Variants in NAALADL2 observed in about 807,000 individuals in gnomAD.
The protein encoded by NAALADL2 is inactive N-acetylated-alpha-linked acidic dipeptidase-like protein 2.
A neutral mutation model predicts 87.2 loss-of-function variants in NAALADL2; 76 were observed. The ratio of observed to expected loss-of-function variants is 0.87; its 90% CI spans 0.72 to 1.05. The LOEUF is 1.05. NAALADL2 is among the 50% of genes least tolerant of loss of function. The probability of loss-of-function intolerance (pLI) is 0.00; values close to 1 mark genes in which losing one functional copy is unlikely to be tolerated. For synonymous variants in NAALADL2, 354 were observed against 331.0 expected (o/e 1.07, Z -0.75); for missense variants, 1,089 against 945.8 (o/e 1.15, Z -1.99).
intron 4 of NAALADL2, among the ~76,000 whole-genome samples, chr3:175,303,301 C>T (rs1390485899): frequency 6.6e-6 from 1 of 152,012 alleles, no homozygotes; most frequent in Non-Finnish European, 1.5e-5. Flanking sequence ...AGGATATAGA[C>T]AGATATTCAA....
intron 2 of NAALADL2, among the ~76,000 whole-genome samples, chr3:175,118,350 C>A (rs939657548): frequency 1.3e-5 from 2 of 151,436 alleles, no homozygotes; most frequent in Non-Finnish European, 3.0e-5. Context: ...AACTGAGTTG[C>A]CTGATTGTTG....
intron 1 of NAALADL2, among the ~76,000 whole-genome samples, chr3:174,908,087 AC>A (rs1310189621): frequency 7.8e-5 from 7 of 90,060 alleles, no homozygotes; most frequent in African/African-American, 3.1e-4. Flanking sequence ...ACTTGATTTT[AC>A]AAGTGCTGAC....
intron 1 of NAALADL2, among the ~76,000 whole-genome samples, chr3:174,532,751 C>T (rs1578104748): frequency 6.6e-6 from 1 of 152,046 alleles, no homozygotes. Flanking sequence ...TTAGCTTCAG[C>T]CTTTCTACTC....
chr3:175,663,290 C>A (rs1292215060), intron 11 of NAALADL2, among the ~76,000 whole-genome samples: 1 of 151,466 alleles, frequency 6.6e-6, no homozygotes, highest in Non-Finnish European at 1.5e-5. Flanking sequence ...TTTTATGTGT[C>A]CAGGAATTTA....
intron 1 of NAALADL2, among the ~76,000 whole-genome samples, chr3:174,962,690 T>G (rs896485097): frequency 7.9e-5 from 12 of 151,938 alleles, no homozygotes; most frequent in Non-Finnish European, 1.8e-4. Context: ...CTGAAACTTG[T>G]TATCTCGATT....
At chr3:175,052,924 C>T (rs370090622) in intron 1 of NAALADL2, among the ~76,000 whole-genome samples, 3 of 152,168 alleles carry the variant, frequency 2.0e-5, no homozygotes, top group African/African-American at 7.2e-5. Flanking sequence ...ACCAGCTTAA[C>T]ATAGTGTGGC....
At chr3:174,710,173 G>A (rs1251371317) in intron 2 of NAALADL2, among the ~76,000 whole-genome samples, 1 of 150,382 alleles carries the variant, frequency 6.6e-6, no homozygotes, top group African/African-American at 2.4e-5. Flanking sequence ...TCTCAAATCA[G>A]TTGACCTTAA....
intron 10 of NAALADL2, among the ~76,000 whole-genome samples, chr3:175,600,624 G>A (rs1018940399): frequency 3.1e-5 from 4 of 128,610 alleles, no homozygotes; most frequent in South Asian, 5.3e-4. Flanking sequence ...TGCAAGCTCC[G>A]CCTCCCAGGT....
At chr3:174,667,859 A>T (rs1472904859) in intron 2 of NAALADL2, among the ~76,000 whole-genome samples, 1 of 152,100 alleles carries the variant, frequency 6.6e-6, no homozygotes, top group Non-Finnish European at 1.5e-5. Flanking sequence ...TTTCTTTTTT[A>T]AAAAATAGTA....
intron 5 of NAALADL2, among the ~76,000 whole-genome samples, chr3:175,438,348 G>A (rs1287964966): frequency 1.1e-4 from 17 of 152,108 alleles, no homozygotes; most frequent in Admixed American, 9.8e-4. Flanking sequence ...CCAATTTAGT[G>A]TACTGGTCAT....
chr3:175,296,406 T>C lies in NAALADL2; in HGVS notation c.940-27769T>C, dbSNP rs149732544. On this transcript the variant is annotated intron_variant, in intron 4 of 13. Transcript: ENST00000454872. Reference sequence around the variant, plus strand: ...GCTCAGAAGTAACTGGGTTTCACCATAGACTTGCCACGCTGGATCTCAAAT... The same window carrying C: ...GCTCAGAAGTAACTGGGTTTCACCACAGACTTGCCACGCTGGATCTCAAAT... 6.1e-3 allele frequency among the ~76,000 whole-genome samples: 922 copies of C among 152,288 alleles called. 10 individuals are homozygous for C. Among genetic ancestry groups the C allele is most frequent in the African/African-American group, 0.021 (863 of 41,564 alleles).
chr3:174,705,827 T>C (rs1039131261), intron 2 of NAALADL2, among the ~76,000 whole-genome samples: 1 of 151,586 alleles, frequency 6.6e-6, no homozygotes, highest in African/African-American at 2.4e-5. Flanking sequence ...TCTTAAATTA[T>C]CAGTGTTGGA....
At chr3:175,664,721 T>C (rs1036820283) in intron 11 of NAALADL2, among the ~76,000 whole-genome samples, 1 of 152,206 alleles carries the variant, frequency 6.6e-6, no homozygotes, top group Admixed American at 6.5e-5. Context: ...TTTTCACCTG[T>C]TCCTTCTCAG....
intron 4 of NAALADL2, among the ~76,000 whole-genome samples, chr3:175,307,359 C>A (rs115344068): frequency 2.4e-4 from 37 of 151,842 alleles, no homozygotes; most frequent in Non-Finnish European, 4.7e-4. Context: ...TATTTCTATA[C>A]CTGTTTAAAT....
chr3:175,585,470 C>T (rs1582507968), intron 10 of NAALADL2, among the ~76,000 whole-genome samples: 2 of 152,108 alleles, frequency 1.3e-5, no homozygotes, highest in Non-Finnish European at 2.9e-5. Context: ...CCATTCTCAA[C>T]GTTAAGCAAT....
intron 3 of NAALADL2, among the ~76,000 whole-genome samples, chr3:174,767,438 A>T (rs149762098): frequency 6.6e-6 from 1 of 152,170 alleles, no homozygotes; most frequent in Non-Finnish European, 1.5e-5. Flanking sequence ...TATCACCTGG[A>T]TCTAACATTC....
intron 2 of NAALADL2, among the ~76,000 whole-genome samples, chr3:174,706,536 G>A (rs1289751501): frequency 1.3e-5 from 2 of 152,192 alleles, no homozygotes; most frequent in African/African-American, 4.8e-5. Context: ...CTGGATATTA[G>A]CCCTTCGTCA....
rs2108365990 is a variant in NAALADL2 at position 175,804,159 on chromosome 3, T to C, written c.*956T>C. 6.6e-6 allele frequency: 1 copy of C among 152,000 alleles called. No homozygotes were observed. Among genetic ancestry groups the C allele is most frequent in the Non-Finnish European group, 1.5e-5 (1 of 67,846 alleles). The allele number at this position is 152,000 out of a possible 1,614,324, so 9.4% of individuals were successfully genotyped here. A position where few individuals can be genotyped will look rare whatever the true frequency, so the allele number is the denominator to read the frequency against. On this transcript the variant is annotated 3_prime_UTR_variant, in exon 14 of 14. Coordinates refer to ENST00000454872, the MANE Select transcript of NAALADL2 (RefSeq NM_207015.3). The stretch of plus-strand genomic sequence containing the variant: ...CAGAGTTTCTCTTTGAAACCCAAAA[T>C]GTCTTCTAAAGAATCAAATTTCTAT...
chr3:175,800,840 T>A (rs1754060105), intron 13 of NAALADL2, among the ~76,000 whole-genome samples: 2 of 152,084 alleles, frequency 1.3e-5, no homozygotes, highest in South Asian at 4.1e-4. Context: ...AGCAATGAGA[T>A]CATAACATAT....
Sources: gnomAD v4.1 joint callset for allele counts (sites outside exome capture counted in the v4.1 genomes callset) on GRCh38, gnomAD v4.1.1 for gene constraint, MANE v1.5 for transcripts, NCBI Gene and HGNC (gene_info 2026-07-23, HGNC 2026-07-21) for gene names.